The following SYT7 variants were observed in gnomAD, a reference collection of about 807,000 sequenced individuals.
SYT7 encodes the protein synaptotagmin-7.
A neutral mutation model predicts 75.1 loss-of-function variants in SYT7; 29 were observed. The ratio of observed to expected loss-of-function variants is 0.39; its 90% CI spans 0.29 to 0.53. SYT7 has a LOEUF of 0.53. Among genes scored for constraint, SYT7 ranks in the 20% least tolerant of loss-of-function variants. SYT7 has a pLI of 0.77. For missense variants in SYT7, 693 were observed against 953.2 expected (o/e 0.73, Z 3.59); for synonymous variants, 376 against 401.7 (o/e 0.94, Z 0.76).
At chr11:61,527,046 G>A (rs2062541508) in intron 9 of SYT7, among the ~76,000 whole-genome samples, 1 of 152,136 alleles carries the variant, frequency 6.6e-6, no homozygotes, top group African/African-American at 2.4e-5. Context: ...AAAGGCCCTG[G>A]GATAGAAATC....
At chr11:61,565,166 C>A (rs532051872) in intron 1 of SYT7, among the ~76,000 whole-genome samples, 4 of 152,156 alleles carry the variant, frequency 2.6e-5, no homozygotes, top group African/African-American at 9.7e-5. Context: ...TGGTGGCTCC[C>A]GATGACGTTC....
upstream of SYT7, among the ~76,000 whole-genome samples, chr11:61,585,215 G>T (rs533096253): frequency 6.6e-6 from 1 of 152,320 alleles, no homozygotes; most frequent in Non-Finnish European, 1.5e-5. Flanking sequence ...ACCTGGCATG[G>T]TCTTCATTGT....
Position 61,580,654 on chromosome 11 carries a change from TG to T in SYT7, c.31+135del. On this transcript the variant is annotated intron_variant, in intron 1 of 12. Coordinates refer to ENST00000539008, the MANE Select transcript of SYT7 (RefSeq NM_001365809.2). This position sits in a 1 kb window ranked among gnomAD's most constrained non-coding sequence, Gnocchi z 6.1. ...CCGCTCGATCCCGCGCCCCCGGGGC[TG>T]GGATGACCCCTGGGGGAGCCCGTGC... 2.0e-6 allele frequency: 1 copy of T among 495,790 alleles called. No homozygotes were observed. The highest frequency in any genetic ancestry group is 3.0e-6 in the Non-Finnish European group (1 of 332,670). 30.7% of individuals were successfully genotyped at this position (495,790 alleles called of 1,614,324 possible).
intron 4 of SYT7, 28 bp downstream of exon 4, chr11:61,547,149 T>C: frequency 6.5e-7 from 1 of 1,534,098 alleles, no homozygotes; most frequent in South Asian, 1.2e-5. Flanking sequence ...ACTCGGTACA[T>C]ATGATCAAAC....
intron 9 of SYT7, 72 bp downstream of exon 9, chr11:61,527,842 CA>C: frequency 4.5e-6 from 7 of 1,569,272 alleles, no homozygotes; most frequent in Non-Finnish European, 6.1e-6. Flanking sequence ...CATGTGGCCA[CA>C]AGTGTGGTTG....
At position 61,533,235 on chromosome 11, in the gene SYT7, C is replaced by T. The variant is rs573075363; in HGVS notation, c.1065-111G>A. 8.2e-5 allele frequency: 120 copies of T among 1,460,548 alleles called. No individual in the cohort carries two copies. The East Asian group carries it at 1.3e-3, about 16-fold the overall frequency. 90.5% of individuals were successfully genotyped at this position (1,460,548 alleles called of 1,614,324 possible). ...TGAAGACCCCAGCAGCTGCCATGCC[C>T]GGCGGGCCGGCAGGAGCGGTACTCC... On this transcript the variant is annotated intron_variant, in intron 7 of 12. Transcript: ENST00000539008.
In SYT7 at chr11:61,580,690, C is replaced by G; in HGVS notation, c.31+100G>C. The G allele has an allele frequency of 1.2e-6, 1 of 821,810 alleles. No homozygotes were observed. The highest frequency in any genetic ancestry group is 1.6e-6 in the Non-Finnish European group (1 of 624,770). The allele number at this position is 821,810 out of a possible 1,614,324, so 50.9% of individuals were successfully genotyped here. A position where few individuals can be genotyped will look rare whatever the true frequency, so the allele number is the denominator to read the frequency against. On this transcript the variant is annotated intron_variant, in intron 1 of 12. Transcript: ENST00000539008. The surrounding 1 kb of genome is among the most constrained non-coding windows in gnomAD (Gnocchi z 6.1). The stretch of plus-strand genomic sequence containing the variant: ...CTGGGGGAGCCCGTGCGGCTCCGGG[C>G]GGACAACAGCCCCAGGCTGGGGCTC...
rs1243033774 is a variant in SYT7 at position 61,547,257 on chromosome 11, T to C, written c.267A>G (p.Lys89=). ...ACTCCTTGGGAGGGTAGGAGCTCCA[T>C]TTCTGCTGCACTGTGCTCTCATTGT... The part of the protein sequence containing the change: ...WNNNESTVQQ[K]WSSYPPKEFI... The change falls in exon 4 of 13, where the codon AAA becomes AAG. Residue 89 remains lysine (K), a synonymous_variant. Transcript: ENST00000539008. 7 of 1,535,714 alleles carry C rather than the reference T, an allele frequency of 4.6e-6. No individual in the cohort carries two copies. The South Asian group carries it at 8.3e-5, about 18-fold the overall frequency.
In SYT7 at chr11:61,516,174, C is replaced by T. The variant is rs983804697; in HGVS notation, c.*2453G>A. On this transcript the variant is annotated 3_prime_UTR_variant, in exon 13 of 13. Coordinates refer to ENST00000539008, the MANE Select transcript of SYT7 (RefSeq NM_001365809.2). The surrounding 1 kb of genome is among the most constrained non-coding windows in gnomAD (Gnocchi z 4.6). ...CTATTGCCCTAGACCGCCCCCGCCCCATCCCATACCACCCTTACCTCCCGT... is the reference window on the plus strand; with the variant it reads ...CTATTGCCCTAGACCGCCCCCGCCCTATCCCATACCACCCTTACCTCCCGT... 1 of 152,034 alleles carries T rather than the reference C, an allele frequency of 6.6e-6. No homozygotes were observed. The highest frequency in any genetic ancestry group is 1.5e-5 in the Non-Finnish European group (1 of 68,032). The allele number at this position is 152,034 out of a possible 1,614,324, so 9.4% of individuals were successfully genotyped here.
Position 61,547,052 on chromosome 11 carries a change from T to C in SYT7, c.347+125A>G, listed in dbSNP as rs1218807109. 14 of 1,230,728 alleles carry C rather than the reference T, an allele frequency of 1.1e-5. No individual in the cohort carries two copies. The South Asian group carries it at 1.2e-4, about 11-fold the overall frequency. The allele number at this position is 1,230,728 out of a possible 1,614,324, so 76.2% of individuals were successfully genotyped here. On this transcript the variant is annotated intron_variant, in intron 4 of 12. Transcript: ENST00000539008. The stretch of plus-strand genomic sequence containing the variant: ...CCCATGGGGTGGATGGGTGGGGAAG[T>C]TGGGGGACAGGAGCGAGAGGAGAGA...
intron 8 of SYT7, 61 bp from the exon 9 acceptor site, chr11:61,528,246 C>T: frequency 3.8e-6 from 6 of 1,575,630 alleles, no homozygotes; most frequent in Admixed American, 1.7e-5. Flanking sequence ...CATGTCCCCA[C>T]CGCTGGCTAG....
chr11:61,585,462 G>A (rs1307151589), upstream of SYT7, among the ~76,000 whole-genome samples: 1 of 152,120 alleles, frequency 6.6e-6, no homozygotes, highest in Non-Finnish European at 1.5e-5. Flanking sequence ...GCCCACTGGT[G>A]GTGACCGGCC....
At position 61,532,809 on chromosome 11, in the gene SYT7, G is replaced by A. The variant is rs559185170; in HGVS notation, c.1200+180C>T. On this transcript the variant is annotated intron_variant, in intron 8 of 12. Transcript: ENST00000539008. ...TGGGAAGCAAACCCAGGCCTTGGAC[G>A]CTCAGTCACCAAGCGCCGAGTGGCC... Among the ~76,000 whole-genome samples the A allele has an allele frequency of 6.6e-5, 10 of 152,296 alleles. No individual in the cohort carries two copies. In the South Asian group the frequency reaches 1.5e-3, roughly 22 times the overall value.
chr11:61,582,898 C>G (rs777962491), upstream of SYT7, among the ~76,000 whole-genome samples: 52 of 152,316 alleles, frequency 3.4e-4, no homozygotes, highest in Non-Finnish European at 7.2e-4. Context: ...CTCATTCCCC[C>G]ACCCACCCCA....
rs896338153 is a variant in SYT7, at chr11:61,533,393, G to T, written c.1065-269C>A. ...TTTGGGGGGTGTCCCCATTCTTCCT[G>T]TTCCCCAGAAACCCCCCACCCTCCA... is the stretch of plus-strand genomic sequence containing the variant. On this transcript the variant is annotated intron_variant, in intron 7 of 12. Coordinates refer to ENST00000539008, the MANE Select transcript of SYT7 (RefSeq NM_001365809.2). The T allele has an allele frequency of 3.0e-6, 3 of 985,250 alleles. No homozygotes were observed. In the African/African-American group the frequency reaches 5.2e-5, roughly 17 times the overall value. The allele number at this position is 985,250 out of a possible 1,614,324, so 61.0% of individuals were successfully genotyped here. A position where few individuals can be genotyped will look rare whatever the true frequency, so the allele number is the denominator to read the frequency against.
rs2135157196 is a variant in SYT7 at position 61,533,517 on chromosome 11, C to T, written c.1065-393G>A. The T allele has an allele frequency of 4.1e-6, 4 of 985,442 alleles. 1 individual carries two copies. In the South Asian group the frequency reaches 1.9e-4, roughly 46 times the overall value. 61.0% of individuals were successfully genotyped at this position (985,442 alleles called of 1,614,324 possible). A position where few individuals can be genotyped will look rare whatever the true frequency, so the allele number is the denominator to read the frequency against. On this transcript the variant is annotated intron_variant, in intron 7 of 12. Coordinates refer to ENST00000539008, the MANE Select transcript of SYT7 (RefSeq NM_001365809.2). ...GCCCCCAGCCTGGAAGGGGGAGGCT[C>T]CACCGTGGTGTGGTGTGTCCAGGTG...
chr11:61,571,565 C>T (rs1233388476), intron 1 of SYT7, among the ~76,000 whole-genome samples: 1 of 152,212 alleles, frequency 6.6e-6, no homozygotes, highest in Non-Finnish European at 1.5e-5. Context: ...GTGGCTGGCA[C>T]GTCACATCCC....
chr11:61,541,104 G>C (rs770697744), intron 6 of SYT7: 1 of 985,360 alleles, frequency 1.0e-6, no homozygotes, highest in Non-Finnish European at 1.2e-6. Flanking sequence ...CCATCTGCCC[G>C]GGAAGCCCTG....
At chr11:61,536,509 C>T (rs2062874473) in intron 7 of SYT7, among the ~76,000 whole-genome samples, 1 of 152,226 alleles carries the variant, frequency 6.6e-6, no homozygotes, top group Non-Finnish European at 1.5e-5. Context: ...CCTCTGACTG[C>T]CCTGCAGCCC....
Sources: allele counts gnomAD v4.1 joint callset (sites outside exome capture counted in the v4.1 genomes callset), GRCh38; gene constraint gnomAD v4.1.1; non-coding constraint Gnocchi (gnomAD v3.1); transcripts MANE v1.5; gene names NCBI Gene and HGNC (gene_info 2026-07-23, HGNC 2026-07-21).